The following KIF13A variants were observed in gnomAD, a reference collection of about 807,000 sequenced individuals.
KIF13A encodes the protein kinesin-like protein KIF13A.
KIF13A carries 79 observed loss-of-function variants against 212.2 expected under a neutral mutation model. The observed-to-expected ratio is 0.37, with a 90% CI of 0.31 to 0.45. The LOEUF (loss-of-function observed/expected upper bound fraction) is 0.45. Among genes scored for constraint, KIF13A ranks in the 20% least tolerant of loss-of-function variants. The probability of loss-of-function intolerance (pLI) is 1.00; values close to 1 mark genes in which losing one functional copy is unlikely to be tolerated. For missense variants in KIF13A, 1,901 were observed against 2,209.0 expected, an observed-to-expected ratio of 0.86 and a Z score of 2.79; for synonymous variants, 789 against 808.6, an observed-to-expected ratio of 0.98 and a Z score of 0.41.
chr6:17,793,576 A>C (rs949924403), intron 25 of KIF13A, among the ~76,000 whole-genome samples: 1 of 152,146 alleles, frequency 6.6e-6, no homozygotes, highest in African/African-American at 2.4e-5. Context: ...AAGCTTTCAA[A>C]GAACTGGTTT....
intron 4 of KIF13A, among the ~76,000 whole-genome samples, chr6:17,862,733 G>A (rs1299469038): frequency 1.3e-5 from 2 of 152,182 alleles, no homozygotes; most frequent in African/African-American, 2.4e-5. Context: ...TGAATCACGA[G>A]GTCAGGAGAT....
chr6:17,925,409 C>T (rs1019386241), intron 2 of KIF13A, among the ~76,000 whole-genome samples: 4 of 152,142 alleles, frequency 2.6e-5, no homozygotes, highest in Non-Finnish European at 2.9e-5. Flanking sequence ...TTCAAACATG[C>T]TAACTTTGAG....
chr6:17,825,118 C>T lies in KIF13A; in HGVS notation c.1786+650G>A, dbSNP rs1764852658. Among the ~76,000 whole-genome samples, 1 of 151,980 alleles carries T rather than the reference C, an allele frequency of 6.6e-6. No individual in the cohort carries two copies. The highest frequency in any genetic ancestry group is 1.5e-5 in the Non-Finnish European group (1 of 67,960). On this transcript the variant is annotated intron_variant, in intron 16 of 38. Transcript: ENST00000259711. This position sits in a 1 kb window ranked among gnomAD's most constrained non-coding sequence, Gnocchi z 4.5. ...GAAAAGAAAGGGCAGATTTATAAAA[C>T]AGCAAAAAAGGAAAGAATTTGGTGT...
At chr6:17,904,208 C>T (rs547669417) in intron 2 of KIF13A, among the ~76,000 whole-genome samples, 11 of 151,968 alleles carry the variant, frequency 7.2e-5, no homozygotes, top group African/African-American at 2.7e-4. Context: ...TGGCTCATGC[C>T]TGTAATCCCA....
chr6:17,828,405 AT>A lies in KIF13A; in HGVS notation c.1402-36del. ...GATTATTAAGGAAAGAAAAACCCAC[AT>A]TTATGAGTAACTCAGCAAAAATGTA... On this transcript the variant is annotated intron_variant, in intron 13 of 38. Transcript: ENST00000259711. The surrounding 1 kb of genome is among the most constrained non-coding windows in gnomAD (Gnocchi z 4.3). 6.3e-7 allele frequency: 1 copy of A among 1,586,836 alleles called. No individual in the cohort carries two copies. Among genetic ancestry groups the A allele is most frequent in the South Asian group, 1.2e-5 (1 of 86,712 alleles).
chr6:17,829,184 T>C lies in KIF13A; in HGVS notation c.1402-814A>G, dbSNP rs1765221423. 6.6e-6 allele frequency among the ~76,000 whole-genome samples: 1 copy of C among 152,236 alleles called. No individual in the cohort carries two copies. The highest frequency in any genetic ancestry group is 1.5e-5 in the Non-Finnish European group (1 of 68,042). ...CTGGTCTTGAACTCCTGGCCTCAAG[T>C]GATCCGCCCGCCTTGGTCTCCCAAA... On this transcript the variant is annotated intron_variant, in intron 13 of 38. Coordinates refer to ENST00000259711, the MANE Select transcript of KIF13A (RefSeq NM_022113.6). The surrounding 1 kb of genome is among the most constrained non-coding windows in gnomAD (Gnocchi z 5.4).
At chr6:17,903,921 G>A (rs1773266932) in intron 2 of KIF13A, among the ~76,000 whole-genome samples, 1 of 151,808 alleles carries the variant, frequency 6.6e-6, no homozygotes, top group East Asian at 1.9e-4. Flanking sequence ...GATCACTTGA[G>A]GTGGGAGGAT....
chr6:17,840,799 T>G (rs2150385040), intron 9 of KIF13A, among the ~76,000 whole-genome samples: 1 of 152,306 alleles, frequency 6.6e-6, no homozygotes, highest in South Asian at 2.1e-4. Flanking sequence ...GACTGAAGGA[T>G]GCCAGAATAT....
At position 17,951,502 on chromosome 6, in the gene KIF13A, G is replaced by A. The variant is rs988901405; in HGVS notation, c.146+35552C>T. On this transcript the variant is annotated intron_variant, in intron 2 of 38. Transcript: ENST00000259711. The surrounding 1 kb of genome is among the most constrained non-coding windows in gnomAD (Gnocchi z 4.9). Reference sequence around the variant, plus strand: ...ACCATACAATTTACCCACTAAAAGTGTCCAATTCAGTGATTTTTAGCATAT... The same window carrying A: ...ACCATACAATTTACCCACTAAAAGTATCCAATTCAGTGATTTTTAGCATAT... 2.3e-6 allele frequency: 1 copy of A among 435,194 alleles called. No homozygotes were observed. The highest frequency in any genetic ancestry group is 5.4e-5 in the South Asian group (1 of 18,616). 27.0% of individuals were successfully genotyped at this position (435,194 alleles called of 1,614,324 possible).
At chr6:17,953,752 T>G (rs1778089452) in intron 2 of KIF13A, 2 of 193,444 alleles carry the variant, frequency 1.0e-5, no homozygotes, top group African/African-American at 4.6e-5. Context: ...CCCTTTGCGC[T>G]GAATACCAAA....
In KIF13A at chr6:17,897,873, T is replaced by A. The variant is rs1451869633; in HGVS notation, c.159+295A>T. On this transcript the variant is annotated intron_variant, in intron 3 of 38. Transcript: ENST00000259711. The surrounding 1 kb of genome is among the most constrained non-coding windows in gnomAD (Gnocchi z 4.8). The stretch of plus-strand genomic sequence containing the variant: ...GTGAGTTAGGACATGCTATTTCATC[T>A]CTCTGAGTCTCATTTCATCATCAAG... Among the ~76,000 whole-genome samples the A allele has an allele frequency of 1.3e-5, 2 of 152,158 alleles. No individual in the cohort carries two copies. Among genetic ancestry groups the A allele is most frequent in the Admixed American group, 1.3e-4 (2 of 15,274 alleles).
Position 17,771,426 on chromosome 6 carries a change from A to T in KIF13A, c.4477-208T>A. 1 of 547,464 alleles carries T rather than the reference A, an allele frequency of 1.8e-6. No homozygotes were observed. Among genetic ancestry groups the T allele is most frequent in the South Asian group, 2.3e-5 (1 of 43,618 alleles). The allele number at this position is 547,464 out of a possible 1,614,324, so 33.9% of individuals were successfully genotyped here. A position where few individuals can be genotyped will look rare whatever the true frequency, so the allele number is the denominator to read the frequency against. On this transcript the variant is annotated intron_variant, in intron 37 of 38. Coordinates refer to ENST00000259711, the MANE Select transcript of KIF13A (RefSeq NM_022113.6). This position sits in a 1 kb window ranked among gnomAD's most constrained non-coding sequence, Gnocchi z 5.4. Reference sequence around the variant, plus strand: ...TGTGGCAAAAAGCATAATTAGTCTTATTTAAAAAACAGCCTTTTGACCAGG... The same window carrying T: ...TGTGGCAAAAAGCATAATTAGTCTTTTTTAAAAAACAGCCTTTTGACCAGG...
At chr6:17,844,988 G>A (rs1766877758) in intron 9 of KIF13A, among the ~76,000 whole-genome samples, 1 of 152,152 alleles carries the variant, frequency 6.6e-6, no homozygotes, top group African/African-American at 2.4e-5. Context: ...TCATGCTGCT[G>A]ATAAAGACAC....
At chr6:17,845,987 G>A (rs1046071290) in intron 9 of KIF13A, among the ~76,000 whole-genome samples, 9 of 151,168 alleles carry the variant, frequency 6.0e-5, no homozygotes, top group Non-Finnish European at 1.3e-4. Context: ...TAAGTGGGAG[G>A]ACGAGAGAAA....
intron 2 of KIF13A, among the ~76,000 whole-genome samples, chr6:17,978,854 T>G (rs1428644070): frequency 6.6e-6 from 1 of 152,162 alleles, no homozygotes; most frequent in Non-Finnish European, 1.5e-5. Flanking sequence ...GGAAGCTGAG[T>G]TAAGTAGAGG....
At position 17,971,100 on chromosome 6, in the gene KIF13A, G is replaced by T. The variant is rs1427521131; in HGVS notation, c.146+15954C>A. Among the ~76,000 whole-genome samples the T allele has an allele frequency of 6.6e-6, 1 of 152,148 alleles. No individual in the cohort carries two copies. The highest frequency in any genetic ancestry group is 2.4e-5 in the African/African-American group (1 of 41,428). ...AGTCTACATACAAATAACAGAGACTGGTCAATTTTTAAGGGAAAATATCCT... is the reference window on the plus strand; with the variant it reads ...AGTCTACATACAAATAACAGAGACTTGTCAATTTTTAAGGGAAAATATCCT... On this transcript the variant is annotated intron_variant, in intron 2 of 38. Transcript: ENST00000259711. This position sits in a 1 kb window ranked among gnomAD's most constrained non-coding sequence, Gnocchi z 4.2.
At chr6:17,820,889 G>A (rs1764372904) in intron 16 of KIF13A, among the ~76,000 whole-genome samples, 1 of 152,126 alleles carries the variant, frequency 6.6e-6, no homozygotes, top group African/African-American at 2.4e-5. Flanking sequence ...AAGAGAATTA[G>A]AATTAATTAA....
In KIF13A at chr6:17,779,086, A is replaced by G; in HGVS notation, c.3953T>C (p.Ile1318Thr). The G allele has an allele frequency of 2.5e-6, 4 of 1,613,604 alleles. No individual in the cohort carries two copies. The highest frequency in any genetic ancestry group is 3.4e-6 in the Non-Finnish European group (4 of 1,179,796). ...GAGAGCCAGCGTTTCCCGGTCCTCTATCTCCTCAGTTGCCTACGAGGACAG... is the reference window on the plus strand; with the variant it reads ...GAGAGCCAGCGTTTCCCGGTCCTCTGTCTCCTCAGTTGCCTACGAGGACAG... ...VSNIPKATEE[I>T]EDRETLALLA... Residue 1318 changes from isoleucine to threonine, a missense_variant, in exon 33 of 39, where the codon ATA becomes ACA. Around this residue, in one of 5 missense-constraint regions of KIF13A, gnomAD observed 687 missense variants for 759.1 expected, o/e 0.90. Coordinates refer to ENST00000259711, the MANE Select transcript of KIF13A (RefSeq NM_022113.6).
At chr6:17,985,556 T>C (rs1242589736) in intron 2 of KIF13A, among the ~76,000 whole-genome samples, 1 of 144,738 alleles carries the variant, frequency 6.9e-6, no homozygotes, top group East Asian at 2.1e-4. Flanking sequence ...AGCTAAAAAG[T>C]ATTCTACCTG....
Sources: gnomAD v4.1 joint callset for allele counts (sites outside exome capture counted in the v4.1 genomes callset) on GRCh38, gnomAD v4.1.1 for gene constraint, gnomAD v4.1.1 regional missense constraint, Gnocchi (gnomAD v3.1) non-coding constraint, MANE v1.5 for transcripts, NCBI Gene and HGNC (gene_info 2026-07-23, HGNC 2026-07-21) for gene names.